PFDN1: variants seen among roughly 807,000 people sequenced by gnomAD.
PFDN1 encodes prefoldin subunit 1.
Under a neutral mutation model 17.3 loss-of-function variants are expected in PFDN1, and 6 were observed. The ratio of observed to expected loss-of-function variants is 0.35; its 90% CI spans 0.19 to 0.69. The LOEUF is 0.69. Among genes scored for constraint, PFDN1 ranks in the 30% least tolerant of loss-of-function variants. The probability of loss-of-function intolerance (pLI) is 0.65; values close to 1 mark genes in which losing one functional copy is unlikely to be tolerated. For synonymous variants in PFDN1, 58 were observed against 50.1 expected (o/e 1.16, Z -0.67); for missense variants, 113 against 146.2 (o/e 0.77, Z 1.17).
chr5:140,277,225 T>C (rs1320140988), intron 3 of PFDN1, among the ~76,000 whole-genome samples: 1 of 143,376 alleles, frequency 7.0e-6, no homozygotes, highest in African/African-American at 2.6e-5. Flanking sequence ...AAACTCCGTC[T>C]CAAAAAAAAA....
chr5:140,298,268 C>T (rs1765682799), intron 2 of PFDN1, among the ~76,000 whole-genome samples: 1 of 152,088 alleles, frequency 6.6e-6, no homozygotes, highest in African/African-American at 2.4e-5. Context: ...AGCAGGTCTA[C>T]TTCTCATGAT....
intron 3 of PFDN1, among the ~76,000 whole-genome samples, chr5:140,250,451 C>T (rs1764896850): frequency 6.7e-6 from 1 of 148,834 alleles, no homozygotes; most frequent in Non-Finnish European, 1.5e-5. Context: ...TCTGCGAGGC[C>T]TTCTTGAGTA....
In PFDN1 at chr5:140,246,069, GAGAC is replaced by G. The variant is rs1172494637; in HGVS notation, c.286-16_286-13del. ...TAGGACTTTTTCTGCTGCAATATGA[GAGAC>G]AGACAAAGGTTAGGACCAGAGTGAA... On this transcript the variant is annotated splice_polypyrimidine_tract_variant and intron_variant, in intron 3 of 3. Coordinates refer to ENST00000261813, the MANE Select transcript of PFDN1 (RefSeq NM_002622.5). 2.0e-6 allele frequency: 3 copies of G among 1,515,464 alleles called. No homozygotes were observed. The highest frequency in any genetic ancestry group is 2.4e-5 in the East Asian group (1 of 41,270). 93.9% of individuals were successfully genotyped at this position (1,515,464 alleles called of 1,614,324 possible).
At chr5:140,253,283 G>A (rs1764941620) in intron 3 of PFDN1, among the ~76,000 whole-genome samples, 1 of 152,140 alleles carries the variant, frequency 6.6e-6, no homozygotes, top group Non-Finnish European at 1.5e-5. Context: ...CCTGCCGACA[G>A]ACTGACACTG....
intron 3 of PFDN1, among the ~76,000 whole-genome samples, chr5:140,247,764 C>A (rs1461454788): frequency 6.6e-6 from 1 of 152,136 alleles, no homozygotes; most frequent in Non-Finnish European, 1.5e-5. Context: ...CATGGCAAAA[C>A]CCTGTCTCTA....
intron 3 of PFDN1, among the ~76,000 whole-genome samples, chr5:140,264,054 A>AAAAAAAAAAAAAT: frequency 8.1e-6 from 1 of 124,022 alleles, no homozygotes; most frequent in Non-Finnish European, 1.7e-5. Flanking sequence ...AAAAAAAAAA[A>AAAAAAAAAAAAAT]AAAAATCACG....
At chr5:140,281,769 G>A (rs766945328) in intron 2 of PFDN1, 1 of 400,658 alleles carries the variant, frequency 2.5e-6, no homozygotes, top group Non-Finnish European at 4.5e-6. Context: ...AGGGAACAGT[G>A]GTGTGGGCCT....
At chr5:140,280,655 C>T (rs1306120476) in intron 3 of PFDN1, among the ~76,000 whole-genome samples, 1 of 152,102 alleles carries the variant, frequency 6.6e-6, no homozygotes, top group Non-Finnish European at 1.5e-5. Flanking sequence ...TGATCCTCTG[C>T]CTCAAATAGT....
chr5:140,264,736 T>C (rs1299317243), intron 3 of PFDN1, among the ~76,000 whole-genome samples: 1 of 151,746 alleles, frequency 6.6e-6, no homozygotes, highest in Non-Finnish European at 1.5e-5. Context: ...TCTCAGCTAC[T>C]GAGGAGACTG....
At chr5:140,292,175 C>A (rs946677015) in intron 2 of PFDN1, among the ~76,000 whole-genome samples, 1 of 152,026 alleles carries the variant, frequency 6.6e-6, no homozygotes, top group African/African-American at 2.4e-5. Context: ...TTCATCAAAC[C>A]CCAAACATTC....
chr5:140,278,911 G>A (rs993152484), intron 3 of PFDN1, among the ~76,000 whole-genome samples: 13 of 152,126 alleles, frequency 8.5e-5, no homozygotes, highest in African/African-American at 2.9e-4. Flanking sequence ...GAGAAGAGAG[G>A]GGAGTATACA....
chr5:140,275,304 G>A (rs1320520955), intron 3 of PFDN1, among the ~76,000 whole-genome samples: 1 of 151,714 alleles, frequency 6.6e-6, no homozygotes, highest in African/African-American at 2.4e-5. Context: ...AGCTACTCGG[G>A]AGGCTGAAGC....
intron 1 of PFDN1, among the ~76,000 whole-genome samples, chr5:140,302,041 T>C (rs1451266693): frequency 2.0e-5 from 3 of 152,256 alleles, no homozygotes; most frequent in African/African-American, 4.8e-5. Flanking sequence ...CTTCATTTGT[T>C]AGAAGCAACA....
chr5:140,285,225 A>G (rs947294196), intron 2 of PFDN1, among the ~76,000 whole-genome samples: 1 of 152,108 alleles, frequency 6.6e-6, no homozygotes, highest in African/African-American at 2.4e-5. Flanking sequence ...TAAGCAGCAT[A>G]GAAAAGACAT....
intron 3 of PFDN1, among the ~76,000 whole-genome samples, chr5:140,264,831 C>T (rs1765114261): frequency 1.3e-5 from 2 of 151,986 alleles, no homozygotes. Flanking sequence ...GGTGACAAAG[C>T]AAAAGCTCAT....
At chr5:140,272,483 C>T (rs1358558845) in intron 3 of PFDN1, among the ~76,000 whole-genome samples, 1 of 151,636 alleles carries the variant, frequency 6.6e-6, no homozygotes, top group Non-Finnish European at 1.5e-5. Flanking sequence ...CCTCAGCCTC[C>T]CAAGTAGCTA....
At chr5:140,280,771 T>C (rs1765386586) in intron 3 of PFDN1, among the ~76,000 whole-genome samples, 1 of 152,170 alleles carries the variant, frequency 6.6e-6, no homozygotes, top group African/African-American at 2.4e-5. Context: ...AGTCTAACTT[T>C]TACTATACAC....
At chr5:140,262,590 A>T (rs1004442805) in intron 3 of PFDN1, 2 of 455,492 alleles carry the variant, frequency 4.4e-6, no homozygotes, top group Non-Finnish European at 8.8e-6. Flanking sequence ...TTTGTGCTTC[A>T]TATGGAATGA....
At position 140,291,914 on chromosome 5, in the gene PFDN1, G is replaced by A. The variant is rs559305733; in HGVS notation, c.200+8502C>T. Among the ~76,000 whole-genome samples the A allele has an allele frequency of 2.6e-5, 4 of 152,244 alleles. No homozygotes were observed. The East Asian group carries it at 7.7e-4, about 29-fold the overall frequency. On this transcript the variant is annotated intron_variant, in intron 2 of 3. Coordinates refer to ENST00000261813, the MANE Select transcript of PFDN1 (RefSeq NM_002622.5). ...CTGAGAACTCACTGGAATTACTGGA[G>A]AATCACTGTCCCTTCCAGAACCCAA...
Sources: allele counts gnomAD v4.1 joint callset (sites outside exome capture counted in the v4.1 genomes callset), GRCh38; gene constraint gnomAD v4.1.1; transcripts MANE v1.5; gene names NCBI Gene and HGNC (gene_info 2026-07-23, HGNC 2026-07-21).